Variants in ULK2 observed in about 807,000 individuals in gnomAD.
ULK2 encodes serine/threonine-protein kinase ULK2.
Under a neutral mutation model 127.5 loss-of-function variants are expected in ULK2, and 76 were observed. The observed-to-expected ratio is 0.60, with a 90% CI of 0.50 to 0.72. The LOEUF (loss-of-function observed/expected upper bound fraction) is 0.72. Among genes scored for constraint, ULK2 ranks in the 30% least tolerant of loss-of-function variants. The pLI, the probability that ULK2 is intolerant of heterozygous loss-of-function variation, is 0.00. For missense variants in ULK2, 1,144 were observed against 1,295.9 expected, an observed-to-expected ratio of 0.88 and a Z score of 1.80; for synonymous variants, 452 against 461.9, an observed-to-expected ratio of 0.98 and a Z score of 0.28.
intron 9 of ULK2, chr17:19,840,249 G>A (rs576846820): frequency 1.9e-5 from 10 of 514,630 alleles, no homozygotes; most frequent in East Asian, 5.4e-5. Context: ...CATAAGAGCC[G>A]GGCTGAAATG....
intron 18 of ULK2, among the ~76,000 whole-genome samples, chr17:19,796,625 A>G (rs2087278240): frequency 6.6e-6 from 1 of 152,186 alleles, no homozygotes; most frequent in South Asian, 2.1e-4. Flanking sequence ...ATGTTGACTC[A>G]AGGCCTTTGT....
intron 7 of ULK2, 112 bp downstream of exon 7, chr17:19,845,189 TAAC>T: frequency 1.1e-6 from 1 of 895,672 alleles, no homozygotes; most frequent in South Asian, 1.8e-5. Flanking sequence ...ACATTAGTAA[TAAC>T]AACTTGGACT....
intron 5 of ULK2, chr17:19,848,248 T>A (rs915311155): frequency 3.9e-5 from 6 of 152,210 alleles, no homozygotes; most frequent in Admixed American, 3.3e-4. Context: ...CAAGTGTAAT[T>A]CCTTACCTAC....
intron 12 of ULK2, among the ~76,000 whole-genome samples, chr17:19,820,288 C>T (rs2041106293): frequency 6.6e-6 from 1 of 152,150 alleles, no homozygotes; most frequent in African/African-American, 2.4e-5. Context: ...ACCTTGTGAT[C>T]CACCCGCCTA....
intron 9 of ULK2, 38 bp from the exon 10 acceptor site, chr17:19,838,621 G>T (rs764082031): frequency 1.9e-6 from 3 of 1,547,798 alleles, no homozygotes; most frequent in Non-Finnish European, 2.6e-6. Flanking sequence ...TAAGTGATAA[G>T]TTTATATACA....
chr17:19,805,402 A>G (rs1216642812), intron 14 of ULK2, among the ~76,000 whole-genome samples: 1 of 152,220 alleles, frequency 6.6e-6, no homozygotes, highest in Non-Finnish European at 1.5e-5. Context: ...CAGAAATAGA[A>G]TGTCCTTATA....
In ULK2 at chr17:19,783,736, G is replaced by A. The variant is rs775561205; in HGVS notation, c.2421C>T (p.Thr807=). ...ASPPSLEGLI[T]FEAPELPEET... is the part of the protein sequence containing the mutation. ...CCTCCGGCAGTTCAGGGGCTTCAAA[G>A]GTGATGAGCCCCTCTAGGCTGGGGG... The change falls in exon 22 of 27, where the codon ACC becomes ACT. Residue 807 remains threonine, a synonymous_variant. Coordinates refer to ENST00000395544, the MANE Select transcript of ULK2 (RefSeq NM_014683.4). The A allele has an allele frequency of 7.0e-5, 112 of 1,591,320 alleles. No homozygotes were observed. The highest frequency in any genetic ancestry group is 9.2e-5 in the Non-Finnish European group (108 of 1,168,088).
At position 19,810,430 on chromosome 17, in the gene ULK2, G is replaced by A; in HGVS notation, c.1105C>T (p.Pro369Ser). The change falls in exon 14 of 27, where the codon CCA becomes TCA. Residue 369 changes from proline (P) to serine (S), a missense_variant. Pro to Ser is a moderately conservative substitution (Grantham distance 74). Coordinates refer to ENST00000395544, the MANE Select transcript of ULK2 (RefSeq NM_014683.4). ...NISSDHSCDM[P>S]VGTAGRRASN... is the part of the protein sequence containing the mutation. The stretch of plus-strand genomic sequence containing the variant: ...GCACGTCTGCCAGCAGTCCCCACTG[G>A]CATATCACCTAAAGGAGAGAAAAGA... The A allele has an allele frequency of 6.2e-7, 1 of 1,601,480 alleles. No individual in the cohort carries two copies. The highest frequency in any genetic ancestry group is 1.3e-5 in the African/African-American group (1 of 74,506).
At chr17:19,832,264 TTC>T (rs1362406062) in intron 10 of ULK2, among the ~76,000 whole-genome samples, 3 of 150,810 alleles carry the variant, frequency 2.0e-5, no homozygotes, top group Admixed American at 6.6e-5. Context: ...ATGAAACATT[TTC>T]TTTTTTTTTT....
In ULK2 at chr17:19,783,681, A is replaced by G. The variant is rs373234899; in HGVS notation, c.2460+16T>C. The G allele has an allele frequency of 1.3e-5, 20 of 1,484,314 alleles. No individual in the cohort carries two copies. The highest frequency in any genetic ancestry group is 9.2e-5 in the Admixed American group (4 of 43,298). The allele number at this position is 1,484,314 out of a possible 1,614,324, so 91.9% of individuals were successfully genotyped here. A position where few individuals can be genotyped will look rare whatever the true frequency, so the allele number is the denominator to read the frequency against. The stretch of plus-strand genomic sequence containing the variant: ...AAATCAACATTACATTCACACCACT[A>G]TAGTCTCTTTTCTACCTCCATCAGC... On this transcript the variant is annotated intron_variant, in intron 22 of 26. Coordinates refer to ENST00000395544, the MANE Select transcript of ULK2 (RefSeq NM_014683.4).
At chr17:19,834,609 T>C (rs1250495066) in intron 10 of ULK2, among the ~76,000 whole-genome samples, 1 of 151,984 alleles carries the variant, frequency 6.6e-6, no homozygotes, top group Non-Finnish European at 1.5e-5. Context: ...GATAAATGTA[T>C]AGGCTAAAAT....
chr17:19,860,063 A>C (rs572049769), intron 3 of ULK2, among the ~76,000 whole-genome samples: 49 of 152,334 alleles, frequency 3.2e-4, no homozygotes, highest in African/African-American at 1.1e-3. Context: ...AAGCTTAATA[A>C]AACAAGTTGC....
chr17:19,860,661 A>G (rs1332056935), intron 3 of ULK2, among the ~76,000 whole-genome samples: 1 of 151,146 alleles, frequency 6.6e-6, no homozygotes, highest in East Asian at 2.0e-4. Flanking sequence ...AGTAGCTGGG[A>G]TTACATGCAT....
At chr17:19,851,159 CA>C (rs758540102) in intron 3 of ULK2, among the ~76,000 whole-genome samples, 12,329 of 104,924 alleles carry the variant, frequency 0.12, 966 homozygotes, top group East Asian at 0.42. Context: ...ATAAAAATAC[CA>C]AAAAAAAAAA....
At chr17:19,783,016 T>A (rs1344716702) in intron 22 of ULK2, among the ~76,000 whole-genome samples, 2 of 152,186 alleles carry the variant, frequency 1.3e-5, no homozygotes, top group African/African-American at 2.4e-5. Context: ...CATTCTGAAA[T>A]CTCAAGCCTA....
chr17:19,781,366 C>T (rs970077720), intron 23 of ULK2, among the ~76,000 whole-genome samples: 12 of 151,484 alleles, frequency 7.9e-5, no homozygotes, highest in African/African-American at 2.4e-4. Context: ...CTCAGCCTCC[C>T]GAATATTAAT....
At chr17:19,794,234 G>C (rs1170470854) in intron 20 of ULK2, among the ~76,000 whole-genome samples, 2 of 152,064 alleles carry the variant, frequency 1.3e-5, no homozygotes, top group South Asian at 2.1e-4. Flanking sequence ...AAGAACAATG[G>C]AGCCAGTGCC....
rs2042337778 is a variant in ULK2, at chr17:19,865,719, T to C, written c.183+17A>G. The C allele has an allele frequency of 2.1e-6, 3 of 1,397,706 alleles. No homozygotes were observed. Among genetic ancestry groups the C allele is most frequent in the Non-Finnish European group, 3.0e-6 (3 of 1,007,740 alleles). 86.6% of individuals were successfully genotyped at this position (1,397,706 alleles called of 1,614,324 possible). A position where few individuals can be genotyped will look rare whatever the true frequency, so the allele number is the denominator to read the frequency against. ...AGTTTTAACCTTATATGAATACTACTACATAAAGTAACATACCTTTAAGAT... is the reference window on the plus strand; with the variant it reads ...AGTTTTAACCTTATATGAATACTACCACATAAAGTAACATACCTTTAAGAT... On this transcript the variant is annotated intron_variant, in intron 2 of 26. Transcript: ENST00000395544.
chr17:19,778,021 C>T (rs1213196487), intron 25 of ULK2, among the ~76,000 whole-genome samples: 1 of 152,168 alleles, frequency 6.6e-6, no homozygotes, highest in East Asian at 1.9e-4. Context: ...TGATTTTAAA[C>T]ACACACTTCC....
Sources: gnomAD v4.1 joint callset for allele counts (sites outside exome capture counted in the v4.1 genomes callset) on GRCh38, gnomAD v4.1.1 for gene constraint, MANE v1.5 for transcripts, NCBI Gene and HGNC (gene_info 2026-07-23, HGNC 2026-07-21) for gene names.